The following ADAM9 variants were observed in gnomAD, a reference collection of about 807,000 sequenced individuals.
ADAM9 encodes the protein ADAM metallopeptidase domain 9.
Under a neutral mutation model 108.1 loss-of-function variants are expected in ADAM9, and 54 were observed. The observed-to-expected ratio is 0.50, with a 90% CI of 0.40 to 0.63. The LOEUF is 0.63. Ranked by LOEUF, ADAM9 falls within the 20% of genes least tolerant of loss-of-function variation. The pLI is 0.00. For synonymous variants in ADAM9, 316 were observed against 336.0 expected (o/e 0.94, Z 0.65); for missense variants, 830 against 997.7 (o/e 0.83, Z 2.26).
At chr8:39,045,413 C>CAAACACCTATATGTGCGT (rs1564301625) in intron 12 of ADAM9, among the ~76,000 whole-genome samples, 1 of 21,766 alleles carries the variant, frequency 4.6e-5, no homozygotes, top group Non-Finnish European at 1.1e-4. Flanking sequence ...TATATGTGCG[C>CAAACACCTATATGTGCGT]GTGTGTACAC....
At chr8:39,023,944 C>G (rs1588346921) in intron 9 of ADAM9, among the ~76,000 whole-genome samples, 1 of 151,984 alleles carries the variant, frequency 6.6e-6, no homozygotes, top group East Asian at 1.9e-4. Context: ...TGGGGTCTCA[C>G]CATGTTGGCC....
chr8:39,051,967 C>T (rs1166886468), intron 12 of ADAM9, among the ~76,000 whole-genome samples: 1 of 151,950 alleles, frequency 6.6e-6, no homozygotes, highest in Admixed American at 6.6e-5. Context: ...TACAGATATA[C>T]ACACGTCGTG....
chr8:39,035,841 C>G (rs1266133100), intron 11 of ADAM9, among the ~76,000 whole-genome samples: 1 of 151,170 alleles, frequency 6.6e-6, no homozygotes, highest in Non-Finnish European at 1.5e-5. Context: ...CAAAACAAAA[C>G]AAAAAAAAGA....
At position 39,091,312 on chromosome 8, in the gene ADAM9, G is replaced by A. The variant is rs1332954652; in HGVS notation, c.2264G>A (p.Arg755Gln). The A allele has an allele frequency of 4.3e-6, 7 of 1,613,940 alleles. No individual in the cohort carries two copies. The highest frequency in any genetic ancestry group is 1.1e-5 in the South Asian group (1 of 91,076). ...NPSRQPGSVP[R>Q]HVSPVTPPRE... is the part of the protein sequence containing the mutation. Reference sequence around the variant, plus strand: ...TCTAGACAGCCGGGGAGTGTTCCTCGACATGTTTCTCCAGTGACACCTCCC... The same window carrying A: ...TCTAGACAGCCGGGGAGTGTTCCTCAACATGTTTCTCCAGTGACACCTCCC... The change falls in exon 20 of 22, where the codon CGA becomes CAA. Residue 755 changes from arginine to glutamine, a missense_variant. Arg to Gln is a conservative substitution (Grantham distance 43). Coordinates refer to ENST00000487273, the MANE Select transcript of ADAM9 (RefSeq NM_003816.3).
intron 19 of ADAM9, 91 bp downstream of exon 19, chr8:39,090,279 C>G: frequency 9.0e-7 from 1 of 1,114,332 alleles, no homozygotes; most frequent in East Asian, 2.6e-5. Context: ...TCAGGTGATT[C>G]CCCCTGCCTC....
chr8:39,069,263 C>T (rs964601871), intron 14 of ADAM9, among the ~76,000 whole-genome samples: 3 of 151,612 alleles, frequency 2.0e-5, no homozygotes, highest in Admixed American at 2.0e-4. Context: ...AAAAAAACTA[C>T]TTTCTGTGGG....
chr8:39,007,702 C>G (rs1325189665), intron 1 of ADAM9, among the ~76,000 whole-genome samples, 184 bp from the exon 2 acceptor site: 1 of 152,124 alleles, frequency 6.6e-6, no homozygotes, highest in Non-Finnish European at 1.5e-5. Context: ...TCATACTTAC[C>G]TAATGCATTG....
At chr8:39,062,572 A>T (rs944087675) in intron 14 of ADAM9, among the ~76,000 whole-genome samples, 5 of 152,120 alleles carry the variant, frequency 3.3e-5, no homozygotes, top group Non-Finnish European at 5.9e-5. Context: ...GCTCTCCATT[A>T]TGGTAACCTT....
At chr8:39,100,914 G>T (rs1186833523) in intron 20 of ADAM9, among the ~76,000 whole-genome samples, 1 of 152,112 alleles carries the variant, frequency 6.6e-6, no homozygotes, top group East Asian at 1.9e-4. Context: ...CTTATTTGAG[G>T]CTAAGTTATA....
intron 11 of ADAM9, among the ~76,000 whole-genome samples, chr8:39,037,681 C>T (rs1837330025): frequency 6.6e-6 from 1 of 151,848 alleles, no homozygotes; most frequent in Non-Finnish European, 1.5e-5. Context: ...CTTCCCAAAG[C>T]ATTGGGATTA....
intron 20 of ADAM9, among the ~76,000 whole-genome samples, chr8:39,095,589 A>G (rs533407777): frequency 9.2e-5 from 14 of 152,194 alleles, no homozygotes; most frequent in Non-Finnish European, 2.1e-4. Context: ...GCGTTTGAGA[A>G]GAATGTGTAT....
Position 39,026,718 on chromosome 8 carries a change from T to A in ADAM9, c.1038T>A (p.Ala346=), listed in dbSNP as rs768414253. 7 of 1,614,070 alleles carry A rather than the reference T, an allele frequency of 4.3e-6. No homozygotes were observed. Among genetic ancestry groups the A allele is most frequent in the Middle Eastern group, 1.6e-4 (1 of 6,084 alleles). The change falls in exon 11 of 22, where the codon GCT becomes GCA. Residue 346 remains alanine (A), a synonymous_variant. Transcript: ENST00000487273. ...TGGAGACATTTGCTTCCATTGTTGC[T>A]CATGAATTGGGTCATAATCTTGGAA... ...ITVETFASIV[A]HELGHNLGMN...
At chr8:39,017,167 C>T in intron 5 of ADAM9, 52 bp from the exon 6 acceptor site, 1 of 1,593,614 alleles carries the variant, frequency 6.3e-7, no homozygotes, top group Non-Finnish European at 8.6e-7. Context: ...TTTCTGATTC[C>T]TTGTGTATTT....
chr8:39,003,780 T>C (rs1406745417), intron 1 of ADAM9, among the ~76,000 whole-genome samples: 1 of 152,224 alleles, frequency 6.6e-6, no homozygotes, highest in Non-Finnish European at 1.5e-5. Flanking sequence ...AGAAATTATT[T>C]CAGGGTGCTA....
intron 18 of ADAM9, among the ~76,000 whole-genome samples, chr8:39,084,946 CCTT>C (rs1178129172): frequency 6.6e-6 from 1 of 152,036 alleles, no homozygotes; most frequent in Non-Finnish European, 1.5e-5. Context: ...TATGAAATAG[CCTT>C]CTTTTTCCCT....
chr8:39,014,336 G>A lies in ADAM9; in HGVS notation c.333+293G>A, dbSNP rs191141761. On this transcript the variant is annotated intron_variant, in intron 4 of 21. Coordinates refer to ENST00000487273, the MANE Select transcript of ADAM9 (RefSeq NM_003816.3). ...GAAAATTTGATATGTTTTGAAAATA[G>A]GAGTTTCTGATTTTTTTGTTGAAAG... The A allele has an allele frequency of 5.2e-4, 284 of 541,248 alleles. 2 individuals carry two copies. Among genetic ancestry groups the A allele is most frequent in the African/African-American group, 4.8e-3 (251 of 52,298 alleles). The allele number at this position is 541,248 out of a possible 1,614,324, so 33.5% of individuals were successfully genotyped here. A position where few individuals can be genotyped will look rare whatever the true frequency, so the allele number is the denominator to read the frequency against.
chr8:39,017,900 G>A (rs1836594983), intron 6 of ADAM9, among the ~76,000 whole-genome samples: 1 of 152,210 alleles, frequency 6.6e-6, no homozygotes, highest in Non-Finnish European at 1.5e-5. Flanking sequence ...GTGCAATAGA[G>A]TTTTTATTTA....
intron 4 of ADAM9, chr8:39,015,789 TTG>T: frequency 9.1e-6 from 2 of 219,626 alleles, no homozygotes; most frequent in Non-Finnish European, 1.8e-5. Context: ...CTTTTGTTGG[TTG>T]TTGGATTGAC....
intron 16 of ADAM9, among the ~76,000 whole-genome samples, chr8:39,081,075 G>T (rs930881602): frequency 2.7e-4 from 41 of 151,604 alleles, no homozygotes; most frequent in African/African-American, 9.9e-4. Context: ...TGCCTCCCAG[G>T]TAGCTGGAAT....
Sources: allele counts gnomAD v4.1 joint callset (sites outside exome capture counted in the v4.1 genomes callset), GRCh38; gene constraint gnomAD v4.1.1; transcripts MANE v1.5; gene names NCBI Gene and HGNC (gene_info 2026-07-23, HGNC 2026-07-21).